ADCY1: variants seen among roughly 807,000 people sequenced by gnomAD.
ADCY1 encodes the protein adenylate cyclase 1.
ADCY1 carries 28 observed loss-of-function variants against 105.4 expected under a neutral mutation model. That is an observed-to-expected ratio of 0.27 (90% CI 0.20 to 0.36). ADCY1 has a LOEUF of 0.36. Among genes scored for constraint, ADCY1 ranks in the 10% least tolerant of loss-of-function variants. The pLI is 1.00. For missense variants in ADCY1, 977 were observed against 1,434.2 expected (o/e 0.68, Z 5.15); for synonymous variants, 655 against 623.8 (o/e 1.05, Z -0.75).
At chr7:45,596,985 C>T (rs1793092440) in intron 2 of ADCY1, among the ~76,000 whole-genome samples, 2 of 152,162 alleles carry the variant, frequency 1.3e-5, no homozygotes, top group African/African-American at 2.4e-5. Context: ...CTCAGAGGCA[C>T]TGTGGTCAGT....
At chr7:45,678,468 C>G (rs912170786) in intron 10 of ADCY1, among the ~76,000 whole-genome samples, 1 of 152,146 alleles carries the variant, frequency 6.6e-6, no homozygotes, top group Non-Finnish European at 1.5e-5. Flanking sequence ...TGTAACAAGC[C>G]TTGATGGTAT....
At chr7:45,712,779 A>G (rs1326517962) in intron 19 of ADCY1, among the ~76,000 whole-genome samples, 1 of 152,194 alleles carries the variant, frequency 6.6e-6, no homozygotes, top group East Asian at 1.9e-4. Flanking sequence ...ACGCAGAGAT[A>G]CCAGTCATGT....
intron 12 of ADCY1, among the ~76,000 whole-genome samples, chr7:45,685,710 C>T (rs936113322): frequency 7.9e-5 from 12 of 152,130 alleles, no homozygotes; most frequent in African/African-American, 7.2e-5. Flanking sequence ...AGGTTGGAGC[C>T]GCTGGGCTGG....
chr7:45,694,863 A>G (rs1007039564), intron 14 of ADCY1, among the ~76,000 whole-genome samples: 2 of 152,238 alleles, frequency 1.3e-5, no homozygotes, highest in African/African-American at 4.8e-5. Flanking sequence ...AATTCTCAGC[A>G]TTGCATGAAC....
At chr7:45,637,485 A>G (rs1248182050) in intron 4 of ADCY1, among the ~76,000 whole-genome samples, 1 of 152,036 alleles carries the variant, frequency 6.6e-6, no homozygotes, top group African/African-American at 2.4e-5. Context: ...CACTTTGGAA[A>G]CTGAGGTGGG....
intron 1 of ADCY1, among the ~76,000 whole-genome samples, chr7:45,578,295 G>A (rs1792412683): frequency 6.6e-6 from 1 of 152,158 alleles, no homozygotes; most frequent in Non-Finnish European, 1.5e-5. Flanking sequence ...ACCTGGGCCG[G>A]CACTGAGGGG....
chr7:45,616,508 C>T (rs1372958993), intron 3 of ADCY1, among the ~76,000 whole-genome samples: 1 of 152,124 alleles, frequency 6.6e-6, no homozygotes, highest in Non-Finnish European at 1.5e-5. Context: ...AAGGATAGTT[C>T]AACATGCAAA....
At chr7:45,693,384 G>T (rs1439371836) in intron 14 of ADCY1, among the ~76,000 whole-genome samples, 1 of 142,068 alleles carries the variant, frequency 7.0e-6, no homozygotes, top group Non-Finnish European at 1.5e-5. Context: ...TTTTTCTATT[G>T]ATTGGAATAC....
intron 8 of ADCY1, among the ~76,000 whole-genome samples, chr7:45,662,777 C>T (rs1259081431): frequency 1.3e-5 from 2 of 152,206 alleles, no homozygotes; most frequent in East Asian, 1.9e-4. Flanking sequence ...CACCTCTGAC[C>T]CCTCGCCCGC....
At chr7:45,592,984 C>A in intron 2 of ADCY1, 76 bp downstream of exon 2, 1 of 1,574,496 alleles carries the variant, frequency 6.4e-7, no homozygotes, top group South Asian at 1.1e-5. Context: ...GCTTCCTGAG[C>A]CTCAGTTTAC....
At chr7:45,600,121 A>T (rs1793188918) in intron 2 of ADCY1, among the ~76,000 whole-genome samples, 1 of 152,166 alleles carries the variant, frequency 6.6e-6, no homozygotes, top group Admixed American at 6.5e-5. Context: ...ACCAGGGCCC[A>T]CCTCTGTGCT....
chr7:45,587,474 G>A (rs1236130807), intron 1 of ADCY1, among the ~76,000 whole-genome samples: 3 of 152,212 alleles, frequency 2.0e-5, no homozygotes, highest in Admixed American at 1.3e-4. Context: ...GCTGTCAGGG[G>A]CAGGGCCTGA....
intron 3 of ADCY1, among the ~76,000 whole-genome samples, chr7:45,610,757 T>G (rs1340104219): frequency 3.0e-4 from 6 of 20,058 alleles, no homozygotes; most frequent in Non-Finnish European, 4.2e-4. Context: ...ATGATGGAGG[T>G]GTAGAGGTGA....
In ADCY1 at chr7:45,575,891, T is replaced by C. The variant is rs966066112; in HGVS notation, c.639+709T>C. Among the ~76,000 whole-genome samples, 2 of 152,264 alleles carry C rather than the reference T, an allele frequency of 1.3e-5. No homozygotes were observed. Among genetic ancestry groups the C allele is most frequent in the African/African-American group, 4.8e-5 (2 of 41,476 alleles). On this transcript the variant is annotated intron_variant, in intron 1 of 19. Coordinates refer to ENST00000297323, the MANE Select transcript of ADCY1 (RefSeq NM_021116.4). This position sits in a 1 kb window ranked among gnomAD's most constrained non-coding sequence, Gnocchi z 4.7. Reference sequence around the variant, plus strand: ...GAGATGGTTGCAAGGACGGGGACGCTGTCTGCCTCCCGCGGACTCTTCCTG... The same window carrying C: ...GAGATGGTTGCAAGGACGGGGACGCCGTCTGCCTCCCGCGGACTCTTCCTG...
At chr7:45,669,201 A>G (rs1174142518) in intron 8 of ADCY1, among the ~76,000 whole-genome samples, 2 of 152,214 alleles carry the variant, frequency 1.3e-5, no homozygotes, top group South Asian at 2.1e-4. Flanking sequence ...TTGCTTCTCT[A>G]GTTCTTTTAA....
intron 4 of ADCY1, among the ~76,000 whole-genome samples, chr7:45,646,474 C>G (rs71548291): frequency 0.092 from 13,974 of 152,236 alleles, 780 homozygotes; most frequent in African/African-American, 0.16. Context: ...ACTGTGGTTC[C>G]AGGCCATGTC....
intron 7 of ADCY1, 49 bp from the exon 8 acceptor site, chr7:45,662,010 A>C (rs767764091): frequency 1.9e-6 from 3 of 1,581,738 alleles, no homozygotes; most frequent in Non-Finnish European, 2.6e-6. Flanking sequence ...GAGAGGCACA[A>C]TGTGTCTCAT....
intron 11 of ADCY1, among the ~76,000 whole-genome samples, chr7:45,682,560 C>T (rs1784580894): frequency 6.6e-6 from 1 of 152,158 alleles, no homozygotes; most frequent in African/African-American, 2.4e-5. Flanking sequence ...ATGTGGTCCA[C>T]AAGGTGGCTG....
chr7:45,660,105 T>C lies in ADCY1; in HGVS notation c.1371T>C (p.Gly457=). 6.2e-7 allele frequency: 1 copy of C among 1,614,138 alleles called. No individual in the cohort carries two copies. Among genetic ancestry groups the C allele is most frequent in the South Asian group, 1.1e-5 (1 of 91,074 alleles). The change falls in exon 7 of 20, where the codon GGT becomes GGC. Residue 457 remains glycine (G), a synonymous_variant. Transcript: ENST00000297323. ...CLNGDYEVEP[G]YGHERNSFLK... ...ATGGGGACTACGAGGTAGAACCGGG[T>C]TACGGACATGAGAGGAACAGTTTCT...
Sources: allele counts gnomAD v4.1 joint callset (sites outside exome capture counted in the v4.1 genomes callset), GRCh38; gene constraint gnomAD v4.1.1; non-coding constraint Gnocchi (gnomAD v3.1); transcripts MANE v1.5; gene names NCBI Gene and HGNC (gene_info 2026-07-23, HGNC 2026-07-21).